AIDA: variants seen among roughly 807,000 people sequenced by gnomAD.
AIDA encodes axin interactor, dorsalization-associated protein.
In AIDA, 18 loss-of-function variants were observed where a neutral mutation model predicts 42.7. The observed-to-expected ratio is 0.42, with a 90% CI of 0.29 to 0.63. The LOEUF (loss-of-function observed/expected upper bound fraction) is 0.63, where lower values mean the gene tolerates loss of function less well. Ranked by LOEUF, AIDA falls within the 20% of genes least tolerant of loss-of-function variation. The probability of loss-of-function intolerance (pLI) is 0.19; values close to 1 mark genes in which losing one functional copy is unlikely to be tolerated. For synonymous variants in AIDA, 104 were observed against 122.9 expected, an observed-to-expected ratio of 0.85 and a Z score of 1.02; for missense variants, 250 against 354.1, an observed-to-expected ratio of 0.71 and a Z score of 2.36.
intron 6 of AIDA, among the ~76,000 whole-genome samples, chr1:222,680,543 G>C (rs1304436229): frequency 2.6e-5 from 4 of 152,156 alleles, no homozygotes; most frequent in African/African-American, 9.7e-5. Flanking sequence ...CACTGCACTA[G>C]TGCACTGGGA....
At chr1:222,693,955 G>A in intron 3 of AIDA, 112 bp from the exon 4 acceptor site, 1 of 1,024,136 alleles carries the variant, frequency 9.8e-7, no homozygotes, top group African/African-American at 1.6e-5. Flanking sequence ...TTGCTTTCAA[G>A]GTAGAAAATG....
chr1:222,683,935 T>C (rs1664696521), intron 6 of AIDA, among the ~76,000 whole-genome samples: 2 of 152,104 alleles, frequency 1.3e-5, no homozygotes, highest in African/African-American at 4.8e-5. Context: ...TTTATTTTCA[T>C]GAAAGGCTGG....
Position 222,706,285 on chromosome 1 carries a change from A to G in AIDA, c.111-3068T>C, listed in dbSNP as rs117323307. Among the ~76,000 whole-genome samples the G allele has an allele frequency of 3.0e-3, 457 of 152,312 alleles. 10 individuals are homozygous for G. In the East Asian group the frequency reaches 0.064, roughly 21 times the overall value. ...GCAGTTTCTTTATAAAGTTACACAT[A>G]AATTTATCATATGACCCAGTAATTC... On this transcript the variant is annotated intron_variant, in intron 1 of 9. Coordinates refer to ENST00000340020, the MANE Select transcript of AIDA (RefSeq NM_022831.4).
Position 222,712,361 on chromosome 1 carries a change from G to A in AIDA, c.-44C>T. On this transcript the variant is annotated 5_prime_UTR_variant, in exon 1 of 10. Transcript: ENST00000340020. ...CCCCTCCCGCCCCTACCCCAGCAAGGCCGGGTTCTAGGGCGCCATCCTCCC... is the reference window on the plus strand; with the variant it reads ...CCCCTCCCGCCCCTACCCCAGCAAGACCGGGTTCTAGGGCGCCATCCTCCC... The A allele has an allele frequency of 6.7e-7, 1 of 1,503,316 alleles. No individual in the cohort carries two copies. The highest frequency in any genetic ancestry group is 2.4e-4 in the Middle Eastern group (1 of 4,112). 93.1% of individuals were successfully genotyped at this position (1,503,316 alleles called of 1,614,324 possible).
At chr1:222,701,056 G>T (rs556496359) in intron 2 of AIDA, among the ~76,000 whole-genome samples, 2 of 146,902 alleles carry the variant, frequency 1.4e-5, no homozygotes, top group South Asian at 2.2e-4. Context: ...TCCGCCTCCC[G>T]AGTTCAGGTG....
chr1:222,675,572 T>C (rs974625831), intron 7 of AIDA, among the ~76,000 whole-genome samples: 1 of 152,222 alleles, frequency 6.6e-6, no homozygotes, highest in Non-Finnish European at 1.5e-5. Flanking sequence ...GCATGCATAC[T>C]ATGGATCTAT....
At chr1:222,688,196 T>G (rs1347410445) in intron 4 of AIDA, among the ~76,000 whole-genome samples, 7 of 152,068 alleles carry the variant, frequency 4.6e-5, no homozygotes, top group Non-Finnish European at 1.0e-4. Context: ...AGAATGATAC[T>G]CTGTTTCAAA....
At chr1:222,673,133 T>G (rs142199981) in intron 8 of AIDA, among the ~76,000 whole-genome samples, 180 bp downstream of exon 8, 1 of 152,346 alleles carries the variant, frequency 6.6e-6, no homozygotes, top group East Asian at 1.9e-4. Context: ...ATTAGACAAG[T>G]AGATAACACA....
At chr1:222,670,977 G>C (rs1175747506) in intron 8 of AIDA, among the ~76,000 whole-genome samples, 1 of 152,186 alleles carries the variant, frequency 6.6e-6, no homozygotes, top group African/African-American at 2.4e-5. Context: ...CCAGCACTTT[G>C]GGAGGCAGAG....
intron 7 of AIDA, 60 bp from the exon 8 acceptor site, chr1:222,673,495 G>C: frequency 2.8e-6 from 4 of 1,419,786 alleles, no homozygotes; most frequent in Non-Finnish European, 3.7e-6. Flanking sequence ...AAAAACTGCA[G>C]GCCAGGCACG....
chr1:222,694,266 G>A lies in AIDA; in HGVS notation c.181-3C>T, dbSNP rs969254232. The A allele has an allele frequency of 6.2e-7, 1 of 1,610,262 alleles. No individual in the cohort carries two copies. The highest frequency in any genetic ancestry group is 1.3e-5 in the African/African-American group (1 of 74,878). On this transcript the variant is annotated splice_region_variant and splice_polypyrimidine_tract_variant and intron_variant, in intron 2 of 9. Coordinates refer to ENST00000340020, the MANE Select transcript of AIDA (RefSeq NM_022831.4). ...GTTGCAATTTTGCCTATGGTTTTCT[G>A]CAGGGGAATAAAAAAAGCTATAAAT...
In AIDA at chr1:222,702,119, A is replaced by T. The variant is rs1351938996; in HGVS notation, c.180+1029T>A. ...GATAAAGTAGATCCTAAATATTTTT[A>T]AAATGCAAATATACAAACTTGTGTA... On this transcript the variant is annotated intron_variant, in intron 2 of 9. Coordinates refer to ENST00000340020, the MANE Select transcript of AIDA (RefSeq NM_022831.4). 4.6e-5 allele frequency among the ~76,000 whole-genome samples: 7 copies of T among 152,232 alleles called. No individual in the cohort carries two copies. The East Asian group carries it at 1.2e-3, about 25-fold the overall frequency.
intron 2 of AIDA, among the ~76,000 whole-genome samples, chr1:222,696,917 G>A (rs1220048314): frequency 1.3e-5 from 2 of 151,934 alleles, no homozygotes; most frequent in African/African-American, 2.4e-5. Context: ...ATTTCTTGAA[G>A]CAGAAGCAAC....
intron 2 of AIDA, among the ~76,000 whole-genome samples, chr1:222,699,416 A>G (rs1655620671): frequency 6.6e-6 from 1 of 152,196 alleles, no homozygotes; most frequent in Admixed American, 6.5e-5. Flanking sequence ...AAAATTTCCC[A>G]TAATATGTTT....
intron 2 of AIDA, 124 bp downstream of exon 2, chr1:222,703,024 C>A (rs1655749696): frequency 1.5e-6 from 1 of 665,288 alleles, no homozygotes. Context: ...CAATATCATT[C>A]TTTTTACTTA....
intron 2 of AIDA, among the ~76,000 whole-genome samples, chr1:222,696,313 C>T (rs1020213552): frequency 6.6e-6 from 1 of 152,206 alleles, no homozygotes; most frequent in African/African-American, 2.4e-5. Flanking sequence ...AAACACGCCA[C>T]TCAATTCTAA....
At chr1:222,672,765 G>A (rs560253503) in intron 8 of AIDA, among the ~76,000 whole-genome samples, 2 of 152,342 alleles carry the variant, frequency 1.3e-5, no homozygotes, top group East Asian at 1.9e-4. Context: ...ACCCTCAGGT[G>A]ATAAAGGGAT....
intron 4 of AIDA, 21 bp from the exon 5 acceptor site, chr1:222,687,679 A>C (rs376475343): frequency 6.9e-6 from 10 of 1,440,550 alleles, no homozygotes; most frequent in African/African-American, 1.4e-5. Flanking sequence ...AAGATAAAGA[A>C]ACATGAATTC....
chr1:222,694,269 G>C lies in AIDA; in HGVS notation c.181-6C>G, dbSNP rs763558255. 1 of 1,609,242 alleles carries C rather than the reference G, an allele frequency of 6.2e-7. No individual in the cohort carries two copies. The highest frequency in any genetic ancestry group is 8.5e-7 in the Non-Finnish European group (1 of 1,178,112). The stretch of plus-strand genomic sequence containing the variant: ...GCAATTTTGCCTATGGTTTTCTGCA[G>C]GGGAATAAAAAAAGCTATAAATACC... On this transcript the variant is annotated splice_region_variant and splice_polypyrimidine_tract_variant and intron_variant, in intron 2 of 9. Transcript: ENST00000340020.
Sources: allele counts gnomAD v4.1 joint callset (sites outside exome capture counted in the v4.1 genomes callset), GRCh38; gene constraint gnomAD v4.1.1; transcripts MANE v1.5; gene names NCBI Gene and HGNC (gene_info 2026-07-23, HGNC 2026-07-21).